ARHGEF10: variants seen among roughly 807,000 people sequenced by gnomAD.
The protein encoded by ARHGEF10 is Rho guanine nucleotide exchange factor 10.
ARHGEF10 carries 140 observed loss-of-function variants against 147.4 expected under a neutral mutation model. That is an observed-to-expected ratio of 0.95 (90% confidence interval 0.83 to 1.09). The LOEUF is 1.09. ARHGEF10 is among the 50% of genes least tolerant of loss of function. The probability of loss-of-function intolerance (pLI) is 0.00; values close to 1 mark genes in which losing one functional copy is unlikely to be tolerated. For synonymous variants in ARHGEF10, 902 were observed against 695.8 expected (o/e 1.30, Z -4.67); for missense variants, 2,222 against 1,752.7 (o/e 1.27, Z -4.78).
At position 1,873,638 on chromosome 8, in the gene ARHGEF10, A is replaced by C. The variant is rs11780302; in HGVS notation, c.680-2933A>C. Among the ~76,000 whole-genome samples the C allele has an allele frequency of 6.1e-4, 27 of 44,498 alleles. 1 individual carries two copies. The East Asian group carries it at 7.6e-3, about 13-fold the overall frequency. The allele number at this position is 44,498 out of a possible 152,430, so 29.2% of individuals were successfully genotyped here. A position where few individuals can be genotyped will look rare whatever the true frequency, so the allele number is the denominator to read the frequency against. On this transcript the variant is annotated intron_variant, in intron 7 of 28. Coordinates refer to ENST00000349830, the MANE Select transcript of ARHGEF10 (RefSeq NM_014629.4). The stretch of plus-strand genomic sequence containing the variant: ...GCGGGGTAGTGCACCCGCATTTCCT[A>C]GTTGCCTTGAGAGGTGCCGCGGGGT...
intron 19 of ARHGEF10, 55 bp downstream of exon 19, chr8:1,923,134 A>T (rs999131090): frequency 4.6e-6 from 6 of 1,311,892 alleles, no homozygotes; most frequent in African/African-American, 2.9e-5. Context: ...AAGTCATTGT[A>T]AGTATGTGAT....
chr8:1,823,990 C>CGCGGGGGACG lies in ARHGEF10; in HGVS notation c.-170_-161dup, dbSNP rs1554461008. On this transcript the variant is annotated 5_prime_UTR_variant, in exon 1 of 29. Coordinates refer to ENST00000349830, the MANE Select transcript of ARHGEF10 (RefSeq NM_014629.4). ...CCGGGACGGACGGGGTCGCGGGGGA[C>CGCGGGGGACG]GCGGGGGACGCGGGGGACGGCGGGG... 1.2e-5 allele frequency: 1 copy of CGCGGGGGACG among 85,696 alleles called. No homozygotes were observed. The highest frequency in any genetic ancestry group is 4.3e-4 in the East Asian group (1 of 2,338). The allele number at this position is 85,696 out of a possible 1,614,324, so 5.3% of individuals were successfully genotyped here.
At chr8:1,915,620 T>C (rs144144577) in intron 18 of ARHGEF10, among the ~76,000 whole-genome samples, 1,725 of 152,378 alleles carry the variant, frequency 0.011, 16 homozygotes, top group Middle Eastern at 0.034. Context: ...CTGTTCTCCA[T>C]GCAGGTGGCT....
intron 2 of ARHGEF10, among the ~76,000 whole-genome samples, chr8:1,845,514 C>G (rs542692449): frequency 6.6e-6 from 1 of 152,184 alleles, no homozygotes; most frequent in Admixed American, 6.5e-5. Context: ...GAAAGAAAGG[C>G]CAGGAAGCTG....
At chr8:1,841,221 G>T (rs988477464) in intron 1 of ARHGEF10, among the ~76,000 whole-genome samples, 5 of 151,870 alleles carry the variant, frequency 3.3e-5, no homozygotes, top group African/African-American at 1.2e-4. Flanking sequence ...CTACGTCTTG[G>T]AGTTGCGCTG....
intron 8 of ARHGEF10, among the ~76,000 whole-genome samples, chr8:1,877,956 C>A (rs1585361907): frequency 6.6e-6 from 1 of 152,066 alleles, no homozygotes. Context: ...GCGGAGATTT[C>A]ATTCCTGGAC....
intron 15 of ARHGEF10, among the ~76,000 whole-genome samples, chr8:1,900,957 G>A (rs892952545): frequency 1.3e-5 from 2 of 152,130 alleles, no homozygotes; most frequent in Admixed American, 6.6e-5. Context: ...GATCCTAGAT[G>A]TGCCGAGCAG....
At chr8:1,876,136 A>C in intron 7 of ARHGEF10, 1 of 209,982 alleles carries the variant, frequency 4.8e-6, no homozygotes. Flanking sequence ...ACCTACCCAT[A>C]TTTCTATAAT....
intron 7 of ARHGEF10, among the ~76,000 whole-genome samples, chr8:1,872,623 G>A (rs887877623): frequency 1.3e-5 from 2 of 152,180 alleles, no homozygotes; most frequent in Non-Finnish European, 1.5e-5. Context: ...AAACCCATAT[G>A]CTTATCTCAG....
intron 18 of ARHGEF10, 42 bp from the exon 19 acceptor site, chr8:1,922,922 T>A (rs1563290424): frequency 1.4e-6 from 2 of 1,430,562 alleles, no homozygotes; most frequent in East Asian, 4.5e-5. Flanking sequence ...AAATATGGCT[T>A]TACCTTTGTA....
Position 1,853,990 on chromosome 8 carries a change from G to A in ARHGEF10, c.38-3970G>A, listed in dbSNP as rs56899337. On this transcript the variant is annotated intron_variant, in intron 2 of 28. Transcript: ENST00000349830. ...AGACGAGCTCACCAGCAGACTGGGGGTGAGGATTTCAGCACAGGGATTTAG... is the reference window on the plus strand; with the variant it reads ...AGACGAGCTCACCAGCAGACTGGGGATGAGGATTTCAGCACAGGGATTTAG... 1.9e-3 allele frequency among the ~76,000 whole-genome samples: 282 copies of A among 152,354 alleles called. 7 individuals are homozygous for A. In the East Asian group the frequency reaches 0.047, roughly 25 times the overall value.
chr8:1,834,729 C>T (rs911199136), intron 1 of ARHGEF10, among the ~76,000 whole-genome samples: 2 of 152,220 alleles, frequency 1.3e-5, no homozygotes, highest in African/African-American at 2.4e-5. Context: ...GGACTCCTGC[C>T]GTAGACTTTG....
intron 1 of ARHGEF10, among the ~76,000 whole-genome samples, chr8:1,830,984 G>A (rs543426332): frequency 1.3e-5 from 2 of 152,366 alleles, no homozygotes; most frequent in African/African-American, 2.4e-5. Flanking sequence ...AGCATGTCCA[G>A]GAACAGCAGG....
Position 1,892,628 on chromosome 8 carries a change from C to T in ARHGEF10, c.1183-941C>T, listed in dbSNP as rs377356207. Among the ~76,000 whole-genome samples, 27 of 149,214 alleles carry T rather than the reference C, an allele frequency of 1.8e-4. No homozygotes were observed. In the East Asian group the frequency reaches 2.0e-3, roughly 11 times the overall value. On this transcript the variant is annotated intron_variant, in intron 11 of 28. Transcript: ENST00000349830. ...TAGCCTGATGCTACACTGGAGTACCCGTGTGTGTGCATGTGTGTGTGTGGT... is the reference window on the plus strand; with the variant it reads ...TAGCCTGATGCTACACTGGAGTACCTGTGTGTGTGCATGTGTGTGTGTGGT...
intron 11 of ARHGEF10, among the ~76,000 whole-genome samples, chr8:1,892,927 A>G (rs1288848969): frequency 2.6e-5 from 4 of 152,100 alleles, no homozygotes; most frequent in Non-Finnish European, 5.9e-5. Flanking sequence ...AGTCTATTGT[A>G]TGTGCTTCAG....
At chr8:1,926,324 G>C in intron 22 of ARHGEF10, 53 bp from the exon 23 acceptor site, 1 of 1,447,316 alleles carries the variant, frequency 6.9e-7, no homozygotes, top group East Asian at 2.3e-5. Context: ...ATGTAGTCTA[G>C]GAGCCTCTTA....
At chr8:1,934,987 A>G (rs1813456340) in intron 26 of ARHGEF10, among the ~76,000 whole-genome samples, 1 of 152,210 alleles carries the variant, frequency 6.6e-6, no homozygotes. Flanking sequence ...AACCAACCCA[A>G]TAGAAGATGT....
intron 1 of ARHGEF10, among the ~76,000 whole-genome samples, chr8:1,837,903 G>A (rs1470165307): frequency 2.0e-5 from 3 of 152,184 alleles, no homozygotes; most frequent in Admixed American, 6.5e-5. Flanking sequence ...GAGGACTCGG[G>A]GTCGTGGGGA....
At chr8:1,880,551 T>C (rs947430871) in intron 9 of ARHGEF10, among the ~76,000 whole-genome samples, 7 of 152,220 alleles carry the variant, frequency 4.6e-5, no homozygotes, top group African/African-American at 1.7e-4. Context: ...AAATGAACAT[T>C]TATAAAAATA....
Sources: allele counts gnomAD v4.1 joint callset (sites outside exome capture counted in the v4.1 genomes callset), GRCh38; gene constraint gnomAD v4.1.1; transcripts MANE v1.5; gene names NCBI Gene and HGNC (gene_info 2026-07-23, HGNC 2026-07-21).